CYP7B1: variants seen among roughly 807,000 people sequenced by gnomAD.
CYP7B1 encodes the protein cytochrome P450 7B1.
In CYP7B1, 29 loss-of-function variants were observed where a neutral mutation model predicts 42.7. The observed-to-expected ratio is 0.68, with a 90% CI of 0.51 to 0.93. The LOEUF (loss-of-function observed/expected upper bound fraction) is 0.93. CYP7B1 is among the 40% of genes least tolerant of loss of function. The pLI is 0.00. For missense variants in CYP7B1, 655 were observed against 600.5 expected (o/e 1.09, Z -0.95); for synonymous variants, 235 against 218.2 (o/e 1.08, Z -0.68).
At chr8:64,690,842 C>T (rs1806728763) in intron 1 of CYP7B1, among the ~76,000 whole-genome samples, 2 of 152,208 alleles carry the variant, frequency 1.3e-5, no homozygotes, top group South Asian at 2.1e-4. Flanking sequence ...CACTTTCTGC[C>T]AGGACATTTT....
intron 1 of CYP7B1, among the ~76,000 whole-genome samples, chr8:64,667,833 T>G (rs2129631592): frequency 6.6e-6 from 1 of 152,322 alleles, no homozygotes. Context: ...ATTTGGTTCT[T>G]CATTAGCAGC....
intron 1 of CYP7B1, among the ~76,000 whole-genome samples, chr8:64,653,860 A>C (rs1429062807): frequency 1.3e-5 from 2 of 152,228 alleles, no homozygotes; most frequent in Non-Finnish European, 2.9e-5. Context: ...CAAATCAATA[A>C]ATGTGATTTA....
intron 1 of CYP7B1, among the ~76,000 whole-genome samples, chr8:64,760,420 C>G (rs954681603): frequency 1.1e-4 from 16 of 151,752 alleles, no homozygotes; most frequent in African/African-American, 3.4e-4. Context: ...AATAAAAGGA[C>G]CATCGAATGG....
chr8:64,619,051 T>C (rs1805490729), intron 2 of CYP7B1, among the ~76,000 whole-genome samples: 1 of 152,164 alleles, frequency 6.6e-6, no homozygotes. Context: ...CCTGGAGATG[T>C]TAGCTGGCTT....
chr8:64,632,446 C>T (rs555902521), intron 1 of CYP7B1, among the ~76,000 whole-genome samples: 1 of 152,064 alleles, frequency 6.6e-6, no homozygotes, highest in South Asian at 2.1e-4. Context: ...TTCTAATCAG[C>T]AGGTATAAAG....
intron 1 of CYP7B1, among the ~76,000 whole-genome samples, chr8:64,692,272 CT>C (rs2129632240): frequency 6.6e-6 from 1 of 152,342 alleles, no homozygotes; most frequent in Admixed American, 6.5e-5. Flanking sequence ...TCACTCCTAA[CT>C]GCAAATTAAC....
chr8:64,691,247 A>G (rs930581633), intron 1 of CYP7B1, among the ~76,000 whole-genome samples: 2 of 152,216 alleles, frequency 1.3e-5, no homozygotes, highest in African/African-American at 4.8e-5. Context: ...ACCATTAAAT[A>G]GGTAGTACAG....
chr8:64,771,870 G>T lies in CYP7B1; in HGVS notation c.122+26596C>A, dbSNP rs527378927. Reference sequence around the variant, plus strand: ...TGGACAGAGAAAAACATACAATCTTGCTGGTGTCACTTAAAATTAATGACC... The same window carrying T: ...TGGACAGAGAAAAACATACAATCTTTCTGGTGTCACTTAAAATTAATGACC... On this transcript the variant is annotated intron_variant, in intron 1 of 5. Coordinates refer to ENST00000310193, the MANE Select transcript of CYP7B1 (RefSeq NM_004820.5). Among the ~76,000 whole-genome samples, 9 of 152,296 alleles carry T rather than the reference G, an allele frequency of 5.9e-5. No individual in the cohort carries two copies. The East Asian group carries it at 1.7e-3, about 29-fold the overall frequency.
chr8:64,717,512 T>C (rs1585874266), intron 1 of CYP7B1, among the ~76,000 whole-genome samples: 1 of 152,296 alleles, frequency 6.6e-6, no homozygotes, highest in African/African-American at 2.4e-5. Context: ...ATAACACATT[T>C]GGAGCCATAA....
intron 1 of CYP7B1, among the ~76,000 whole-genome samples, chr8:64,740,306 A>T (rs1215859660): frequency 6.6e-6 from 1 of 152,078 alleles, no homozygotes; most frequent in African/African-American, 2.4e-5. Context: ...TAAACAACAA[A>T]TTCCTAAATA....
chr8:64,653,418 T>C (rs1806070040), intron 1 of CYP7B1, among the ~76,000 whole-genome samples: 2 of 152,072 alleles, frequency 1.3e-5, no homozygotes, highest in Non-Finnish European at 2.9e-5. Flanking sequence ...GATAAATTCC[T>C]GGACACATAC....
At chr8:64,608,149 G>A (rs1805310950) in intron 4 of CYP7B1, among the ~76,000 whole-genome samples, 1 of 152,178 alleles carries the variant, frequency 6.6e-6, no homozygotes, top group Non-Finnish European at 1.5e-5. Flanking sequence ...TAAGTGAAAT[G>A]CCAGGGAATG....
intron 1 of CYP7B1, among the ~76,000 whole-genome samples, chr8:64,749,635 T>C (rs1807698934): frequency 6.6e-6 from 1 of 152,338 alleles, no homozygotes; most frequent in Non-Finnish European, 1.5e-5. Context: ...GTTATGTTCA[T>C]GTGGCTATAT....
chr8:64,753,193 A>C (rs1807756097), intron 1 of CYP7B1, among the ~76,000 whole-genome samples: 3 of 152,252 alleles, frequency 2.0e-5, no homozygotes, highest in Admixed American at 2.0e-4. Context: ...ATATTTGGAA[A>C]GACTGAAAAG....
At position 64,596,737 on chromosome 8, in the gene CYP7B1, C is replaced by A. The variant is rs758335326; in HGVS notation, c.1426G>T (p.Asp476Tyr). The A allele has an allele frequency of 1.2e-6, 2 of 1,613,750 alleles. No homozygotes were observed. Among genetic ancestry groups the A allele is most frequent in the East Asian group, 4.5e-5 (2 of 44,858 alleles). Residue 476 changes from aspartate (D) to tyrosine (Y), a missense_variant, in exon 6 of 6, where the codon GAT becomes TAT. Physicochemically the swap from Asp to Tyr is radical, Grantham distance 160 (BLOSUM62 -3). Coordinates refer to ENST00000310193, the MANE Select transcript of CYP7B1 (RefSeq NM_004820.5). The stretch of plus-strand genomic sequence containing the variant: ...TAGTTTAGTCCTATGGGCTTATCAT[C>A]AATTATTTCTAAATCAAAATAAGTT... ...LLTYFDLEII[D>Y]DKPIGLNYSR...
intron 1 of CYP7B1, among the ~76,000 whole-genome samples, chr8:64,686,390 G>C (rs868195171): frequency 3.3e-5 from 1 of 30,378 alleles, no homozygotes; most frequent in Admixed American, 2.3e-4. Context: ...CAGCCGCCCC[G>C]TCCGGGAGGG....
chr8:64,724,977 G>A (rs1328871201), intron 1 of CYP7B1, among the ~76,000 whole-genome samples: 1 of 152,180 alleles, frequency 6.6e-6, no homozygotes, highest in Non-Finnish European at 1.5e-5. Context: ...CCGATAGTAC[G>A]TCATAAGACC....
intron 1 of CYP7B1, among the ~76,000 whole-genome samples, chr8:64,666,116 T>C (rs906433017): frequency 6.6e-6 from 1 of 152,252 alleles, no homozygotes; most frequent in Admixed American, 6.5e-5. Context: ...GTTAATTTTC[T>C]TTTTCTTGTT....
At chr8:64,732,070 C>T (rs1305692024) in intron 1 of CYP7B1, among the ~76,000 whole-genome samples, 1 of 152,212 alleles carries the variant, frequency 6.6e-6, no homozygotes, top group Non-Finnish European at 1.5e-5. Context: ...AGTAGGAGCC[C>T]ACACACAGAG....
Sources: gnomAD v4.1 joint callset for allele counts (sites outside exome capture counted in the v4.1 genomes callset) on GRCh38, gnomAD v4.1.1 for gene constraint, MANE v1.5 for transcripts, NCBI Gene and HGNC (gene_info 2026-07-23, HGNC 2026-07-21) for gene names.